PKP4: variants seen among roughly 807,000 people sequenced by gnomAD.
PKP4 encodes the protein plakophilin-4.
PKP4 carries 90 observed loss-of-function variants against 145.1 expected under a neutral mutation model. The ratio of observed to expected loss-of-function variants is 0.62; its 90% CI spans 0.52 to 0.74. The LOEUF is 0.74. PKP4 is among the 30% of genes least tolerant of loss of function. The pLI is 0.00. For missense variants in PKP4, 1,340 were observed against 1,482.7 expected (o/e 0.90, Z 1.58); for synonymous variants, 563 against 577.2 (o/e 0.98, Z 0.35).
chr2:158,565,264 T>C (rs1446095632), intron 2 of PKP4, among the ~76,000 whole-genome samples: 1 of 152,182 alleles, frequency 6.6e-6, no homozygotes, highest in Non-Finnish European at 1.5e-5. Flanking sequence ...TGATATTAAA[T>C]TGTGCCCATT....
In PKP4 at chr2:158,673,914, C is replaced by G; in HGVS notation, c.3041C>G (p.Pro1014Arg). 6.2e-7 allele frequency: 1 copy of G among 1,612,466 alleles called. No individual in the cohort carries two copies. Among genetic ancestry groups the G allele is most frequent in the Non-Finnish European group, 8.5e-7 (1 of 1,178,462 alleles). ...TGGAATCAGAACCATTTTATTACAC[C>G]TGTGTCGACATTGGAGCGAGACCGA... ...DGWNQNHFITPVSTLERDRFK... is the reference protein window; with the variant it reads ...DGWNQNHFITRVSTLERDRFK... Residue 1014 changes from proline (P) to arginine (R), a missense_variant, in exon 19 of 22, where the codon CCT (proline) becomes CGT (arginine). Physicochemically the swap from Pro to Arg is moderately radical, Grantham distance 103. Transcript: ENST00000389759.
At chr2:158,656,054 T>A (rs1376229933) in intron 11 of PKP4, among the ~76,000 whole-genome samples, 1 of 152,250 alleles carries the variant, frequency 6.6e-6, no homozygotes, top group Non-Finnish European at 1.5e-5. Context: ...GTCAGGCTTA[T>A]CAAATGTCTT....
intron 1 of PKP4, among the ~76,000 whole-genome samples, chr2:158,530,753 A>T (rs183196166): frequency 6.6e-6 from 1 of 152,024 alleles, no homozygotes; most frequent in Non-Finnish European, 1.5e-5. Flanking sequence ...TCTCACCCTT[A>T]GTAACGACAG....
chr2:158,474,544 T>G (rs898016248), intron 1 of PKP4, among the ~76,000 whole-genome samples: 1 of 152,320 alleles, frequency 6.6e-6, no homozygotes, highest in East Asian at 1.9e-4. Context: ...CAAGAATAAT[T>G]TGACAACTGC....
chr2:158,669,590 G>T (rs2057388179), intron 16 of PKP4, 130 bp from the exon 17 acceptor site: 1 of 630,222 alleles, frequency 1.6e-6, no homozygotes, highest in South Asian at 6.0e-5. Context: ...CATGGGTTTT[G>T]ATTTTTTCCC....
intron 3 of PKP4, among the ~76,000 whole-genome samples, chr2:158,601,324 C>T (rs905616085): frequency 6.6e-6 from 1 of 151,882 alleles, no homozygotes; most frequent in African/African-American, 2.4e-5. Flanking sequence ...TAAACATTTC[C>T]GGATGGCAGT....
intron 1 of PKP4, among the ~76,000 whole-genome samples, chr2:158,509,595 A>C (rs1479027681): frequency 2.6e-5 from 4 of 152,226 alleles, no homozygotes; most frequent in Admixed American, 2.6e-4. Context: ...GCTCTGATTT[A>C]TAGGGTCACA....
At chr2:158,562,058 G>C (rs940517591) in intron 2 of PKP4, among the ~76,000 whole-genome samples, 1 of 151,910 alleles carries the variant, frequency 6.6e-6, no homozygotes, top group African/African-American at 2.4e-5. Flanking sequence ...TGGGAGATAA[G>C]GCCTTTCACT....
intron 3 of PKP4, among the ~76,000 whole-genome samples, chr2:158,592,249 G>A (rs1314649522): frequency 6.6e-6 from 1 of 152,050 alleles, no homozygotes; most frequent in African/African-American, 2.4e-5. Context: ...AGGGATCCAT[G>A]AGAGTTTTCA....
chr2:158,668,681 G>C (rs1025785581), intron 16 of PKP4, among the ~76,000 whole-genome samples: 4 of 152,182 alleles, frequency 2.6e-5, no homozygotes, highest in African/African-American at 9.7e-5. Context: ...CATTTATCTT[G>C]TGGCCTTACA....
At chr2:158,548,839 T>C in intron 2 of PKP4, 1 of 218,010 alleles carries the variant, frequency 4.6e-6, no homozygotes, top group Non-Finnish European at 9.2e-6. Context: ...GTCCTTCGAG[T>C]AGGGGTTAAC....
At chr2:158,628,024 AGGCTGGAGTACAGT>A (rs2052983631) in intron 7 of PKP4, among the ~76,000 whole-genome samples, 1 of 151,582 alleles carries the variant, frequency 6.6e-6, no homozygotes. Flanking sequence ...CTCTGTCACC[AGGCTGGAGTACAGT>A]GGCACGCTCT....
chr2:158,484,248 C>T (rs1693831046), intron 1 of PKP4, among the ~76,000 whole-genome samples: 1 of 151,934 alleles, frequency 6.6e-6, no homozygotes, highest in Non-Finnish European at 1.5e-5. Flanking sequence ...GGGGTTTCAC[C>T]TTGTTAGCCA....
intron 1 of PKP4, among the ~76,000 whole-genome samples, chr2:158,496,481 C>G (rs1487764108): frequency 6.6e-6 from 1 of 152,124 alleles, no homozygotes; most frequent in Non-Finnish European, 1.5e-5. Context: ...GTAGATCAGT[C>G]TCCTGTAAAC....
intron 10 of PKP4, among the ~76,000 whole-genome samples, chr2:158,641,383 G>A (rs1337096116): frequency 6.6e-6 from 1 of 152,002 alleles, no homozygotes; most frequent in Non-Finnish European, 1.5e-5. Flanking sequence ...TTGAACTAGT[G>A]AGCCAATGTG....
intron 2 of PKP4, among the ~76,000 whole-genome samples, chr2:158,546,819 C>T (rs2045091875): frequency 6.6e-6 from 1 of 152,084 alleles, no homozygotes; most frequent in African/African-American, 2.4e-5. Flanking sequence ...AAGAAAAGGT[C>T]AGAGGATTGG....
In PKP4 at chr2:158,616,905, T is replaced by C. The variant is rs183423360; in HGVS notation, c.281-4085T>C. The stretch of plus-strand genomic sequence containing the variant: ...TCATTAAAGAGGCCTTAGACTCTTT[T>C]ACTAAGCATATCTTCATGCACACAC... On this transcript the variant is annotated intron_variant, in intron 4 of 21. Transcript: ENST00000389759. Among the ~76,000 whole-genome samples, 28 of 152,316 alleles carry C rather than the reference T, an allele frequency of 1.8e-4. No homozygotes were observed. In the East Asian group the frequency reaches 5.0e-3, roughly 27 times the overall value.
rs2048959330 is a variant in PKP4, at chr2:158,588,120, A to G, written c.245+10737A>G. 3 of 152,138 alleles carry G rather than the reference A, an allele frequency of 2.0e-5. No homozygotes were observed. The South Asian group carries it at 6.2e-4, about 31-fold the overall frequency. The allele number at this position is 152,138 out of a possible 1,614,324, so 9.4% of individuals were successfully genotyped here. A position where few individuals can be genotyped will look rare whatever the true frequency, so the allele number is the denominator to read the frequency against. On this transcript the variant is annotated intron_variant, in intron 3 of 21. Coordinates refer to ENST00000389759, the MANE Select transcript of PKP4 (RefSeq NM_003628.6). ...AAGTTTTACAATATTGTAAGTGAAC[A>G]TTTTTGAACATATATCCTGGTTCAC...
At chr2:158,576,861 A>AT (rs1157875911) in intron 2 of PKP4, among the ~76,000 whole-genome samples, 3 of 152,218 alleles carry the variant, frequency 2.0e-5, no homozygotes, top group Admixed American at 6.5e-5. Context: ...GGGGATTTAT[A>AT]TTTTTTTAAA....
Sources: gnomAD v4.1 joint callset for allele counts (sites outside exome capture counted in the v4.1 genomes callset) on GRCh38, gnomAD v4.1.1 for gene constraint, MANE v1.5 for transcripts, NCBI Gene and HGNC (gene_info 2026-07-23, HGNC 2026-07-21) for gene names.